The following ASIC2 variants were observed in gnomAD, a reference collection of about 807,000 sequenced individuals.
ASIC2 encodes the protein acid sensing ion channel subunit 2, also known as acid-sensing ion channel 2.
In ASIC2, 25 loss-of-function variants were observed where a neutral mutation model predicts 57.3. That is an observed-to-expected ratio of 0.44 (90% CI 0.32 to 0.61). The LOEUF (loss-of-function observed/expected upper bound fraction) is 0.61. Ranked by LOEUF, ASIC2 falls within the 20% of genes least tolerant of loss-of-function variation. ASIC2 has a pLI of 0.06. For missense variants in ASIC2, 641 were observed against 738.1 expected (o/e 0.87, Z 1.52); for synonymous variants, 319 against 307.5 (o/e 1.04, Z -0.39).
chr17:33,657,372 A>G (rs1018985041), intron 1 of ASIC2, among the ~76,000 whole-genome samples: 33 of 152,146 alleles, frequency 2.2e-4, no homozygotes, highest in African/African-American at 5.6e-4. Flanking sequence ...CAATGGAGCC[A>G]TTGTTCTGAA....
At chr17:33,297,119 A>G (rs920728203), upstream of ASIC2, among the ~76,000 whole-genome samples, 4 of 152,254 alleles carry the variant, frequency 2.6e-5, no homozygotes, top group Non-Finnish European at 4.4e-5. Flanking sequence ...TTATAGAATC[A>G]GAGCACGTTG....
chr17:33,337,801 T>G (rs952601891), intron 1 of ASIC2, among the ~76,000 whole-genome samples: 1 of 138,446 alleles, frequency 7.2e-6, no homozygotes, highest in Non-Finnish European at 1.5e-5. Flanking sequence ...AAAGAAAATG[T>G]AAGTGTTCCT....
chr17:33,448,184 C>G (rs1374669093), intron 1 of ASIC2, among the ~76,000 whole-genome samples: 1 of 152,004 alleles, frequency 6.6e-6, no homozygotes, highest in Non-Finnish European at 1.5e-5. Flanking sequence ...TTTATGTTTC[C>G]TTTATTTTTA....
intron 1 of ASIC2, among the ~76,000 whole-genome samples, chr17:33,690,992 G>A (rs910830566): frequency 6.6e-6 from 1 of 151,866 alleles, no homozygotes; most frequent in Admixed American, 6.6e-5. Context: ...CTCGTGATCT[G>A]CCCATCTCGG....
intron 1 of ASIC2, among the ~76,000 whole-genome samples, chr17:33,173,856 C>T (rs1021371201): frequency 2.6e-5 from 4 of 152,156 alleles, no homozygotes; most frequent in Admixed American, 6.5e-5. Flanking sequence ...AGGACACAAT[C>T]GAAGTGATTC....
chr17:33,483,140 C>A (rs1223818359), intron 1 of ASIC2, among the ~76,000 whole-genome samples: 1 of 152,208 alleles, frequency 6.6e-6, no homozygotes, highest in East Asian at 1.9e-4. Context: ...CCACACAGAT[C>A]TACGCGGCCT....
intron 1 of ASIC2, among the ~76,000 whole-genome samples, chr17:33,995,434 C>T (rs949827442): frequency 1.3e-5 from 2 of 152,016 alleles, no homozygotes; most frequent in Non-Finnish European, 2.9e-5. Context: ...TGGCATGTAC[C>T]CTGGCTCCTT....
intron 1 of ASIC2, among the ~76,000 whole-genome samples, chr17:33,318,195 C>G (rs1180854879): frequency 6.6e-6 from 1 of 152,168 alleles, no homozygotes; most frequent in African/African-American, 2.4e-5. Context: ...GCTTGCCCTC[C>G]TCCCCTTCCT....
chr17:33,126,856 C>T (rs1469049202), intron 1 of ASIC2, among the ~76,000 whole-genome samples: 3 of 85,324 alleles, frequency 3.5e-5, no homozygotes, highest in Non-Finnish European at 6.3e-5. Context: ...TACCATTACT[C>T]TTTTTTTTTT....
At chr17:33,972,148 T>C (rs1905243715) in intron 1 of ASIC2, among the ~76,000 whole-genome samples, 1 of 152,228 alleles carries the variant, frequency 6.6e-6, no homozygotes, top group Non-Finnish European at 1.5e-5. Flanking sequence ...AAGTTAATAT[T>C]ATCAATGTCA....
chr17:33,821,079 GC>G (rs1415953605), intron 1 of ASIC2, among the ~76,000 whole-genome samples: 1 of 152,120 alleles, frequency 6.6e-6, no homozygotes, highest in Non-Finnish European at 1.5e-5. Flanking sequence ...TTGTTTCCTT[GC>G]CTCTGTGTAT....
In ASIC2 at chr17:33,738,335, A is replaced by G. The variant is rs116652634; in HGVS notation, c.555+417643T>C. 2.4e-3 allele frequency among the ~76,000 whole-genome samples: 359 copies of G among 152,330 alleles called. 2 individuals are homozygous for G. Among genetic ancestry groups the G allele is most frequent in the African/African-American group, 8.5e-3 (352 of 41,578 alleles). ...TAGACAACTTTACATGGTGCTTGTCATCCTTCCCCCAGACCTTCAGGATCC... is the reference window on the plus strand; with the variant it reads ...TAGACAACTTTACATGGTGCTTGTCGTCCTTCCCCCAGACCTTCAGGATCC... On this transcript the variant is annotated intron_variant, in intron 1 of 9. Coordinates refer to the ASIC2 transcript ENST00000359872.
chr17:33,984,695 T>TA (rs1266057393), intron 1 of ASIC2, among the ~76,000 whole-genome samples: 1 of 152,218 alleles, frequency 6.6e-6, no homozygotes, highest in Non-Finnish European at 1.5e-5. Flanking sequence ...CTGTCTAAGC[T>TA]GGTGCTGGAA....
intron 1 of ASIC2, among the ~76,000 whole-genome samples, chr17:33,455,656 T>A (rs7207413): frequency 0.25 from 37,992 of 152,102 alleles, 5,052 homozygotes; most frequent in African/African-American, 0.34. Flanking sequence ...AATAGCTTCT[T>A]TGATGGTTGC....
intron 1 of ASIC2, among the ~76,000 whole-genome samples, chr17:33,603,410 A>AT (rs11415383): frequency 0.41 from 62,597 of 152,096 alleles, 13,134 homozygotes; most frequent in Middle Eastern, 0.52. Context: ...AAGCTTGCAC[A>AT]GGGGCCAGCT....
In ASIC2 at chr17:33,876,576, T is replaced by C. The variant is rs181336297; in HGVS notation, c.555+279402A>G. Reference sequence around the variant, plus strand: ...CTGTCCAACAACTCTGTGAGGAGTATAATTACTGTCCTCATTTTATAAATA... The same window carrying C: ...CTGTCCAACAACTCTGTGAGGAGTACAATTACTGTCCTCATTTTATAAATA... On this transcript the variant is annotated intron_variant, in intron 1 of 9. Coordinates refer to the ASIC2 transcript ENST00000359872. Among the ~76,000 whole-genome samples, 436 of 152,344 alleles carry C rather than the reference T, an allele frequency of 2.9e-3. 5 individuals are homozygous for C. The highest frequency in any genetic ancestry group is 1.0e-2 in the African/African-American group (414 of 41,576).
At chr17:33,215,752 T>TG (rs1907454215) in intron 1 of ASIC2, among the ~76,000 whole-genome samples, 3 of 150,280 alleles carry the variant, frequency 2.0e-5, no homozygotes. Flanking sequence ...CAGGCTGGAA[T>TG]GCAGTGGCGC....
intron 1 of ASIC2, among the ~76,000 whole-genome samples, chr17:33,579,908 C>G (rs1381671392): frequency 6.6e-6 from 1 of 152,112 alleles, no homozygotes; most frequent in East Asian, 1.9e-4. Context: ...GCTGATTGGT[C>G]CATTTTACAG....
intron 1 of ASIC2, among the ~76,000 whole-genome samples, chr17:33,893,112 T>A (rs749174623): frequency 1.3e-5 from 2 of 152,220 alleles, no homozygotes; most frequent in Non-Finnish European, 2.9e-5. Context: ...AGTTTTGTGC[T>A]AATGCCAGGC....
Sources: gnomAD v4.1 joint callset for allele counts (sites outside exome capture counted in the v4.1 genomes callset) on GRCh38, gnomAD v4.1.1 for gene constraint, MANE v1.5 for transcripts, NCBI Gene and HGNC (gene_info 2026-07-23, HGNC 2026-07-21) for gene names.